Variants in FABP12 observed in about 807,000 individuals in gnomAD.
The protein encoded by FABP12 is fatty acid binding protein 12, also known as fatty acid-binding protein 12.
A neutral mutation model predicts 13.7 loss-of-function variants in FABP12; 19 were observed. The ratio of observed to expected loss-of-function variants is 1.39; its 90% CI spans 0.97 to 2.04. The LOEUF (loss-of-function observed/expected upper bound fraction) is 2.04, where lower values mean the gene tolerates loss of function less well. FABP12 is among the 30% of genes most tolerant of loss of function. FABP12 has a pLI of 0.00. For synonymous variants in FABP12, 61 were observed against 57.0 expected, an observed-to-expected ratio of 1.07 and a Z score of -0.32; for missense variants, 182 against 164.2, an observed-to-expected ratio of 1.11 and a Z score of -0.59.
intron 1 of FABP12, among the ~76,000 whole-genome samples, chr8:81,547,758 T>C (rs1254708703): frequency 6.6e-6 from 1 of 152,192 alleles, no homozygotes; most frequent in Non-Finnish European, 1.5e-5. Flanking sequence ...GTGTCAGAAA[T>C]AGGATGAGAA....
exon 3 of FABP12, chr8:81,529,514 A>G (rs768547170): frequency 6.2e-7 from 1 of 1,613,908 alleles, no homozygotes; most frequent in Non-Finnish European, 8.5e-7. Flanking sequence ...ATTTTTAAAG[A>G]TGCTTTTGGT....
At chr8:81,528,414 G>A (rs1808966655) in intron 3 of FABP12, among the ~76,000 whole-genome samples, 1 of 152,132 alleles carries the variant, frequency 6.6e-6, no homozygotes, top group African/African-American at 2.4e-5. Context: ...TAAGAATTTA[G>A]CATAGAAATC....
At chr8:81,551,526 G>A (rs751571516) in intron 1 of FABP12, among the ~76,000 whole-genome samples, 3 of 152,158 alleles carry the variant, frequency 2.0e-5, no homozygotes, top group Non-Finnish European at 4.4e-5. Flanking sequence ...ACTTAAGGCA[G>A]GGAATGTTTG....
At chr8:81,536,153 C>T (rs1047269713), upstream of FABP12, among the ~76,000 whole-genome samples, 3 of 152,118 alleles carry the variant, frequency 2.0e-5, no homozygotes, top group African/African-American at 7.2e-5. Flanking sequence ...ATGAGCTGAA[C>T]TCTAACAACC....
At chr8:81,531,549 T>A (rs1809076017) in intron 1 of FABP12, among the ~76,000 whole-genome samples, 159 bp from the exon 2 acceptor site, 1 of 152,058 alleles carries the variant, frequency 6.6e-6, no homozygotes, top group Non-Finnish European at 1.5e-5. Flanking sequence ...CACAGTAGAG[T>A]GTTTAGCAGA....
intron 1 of FABP12, among the ~76,000 whole-genome samples, chr8:81,556,461 C>T (rs1403188491): frequency 1.3e-5 from 2 of 152,092 alleles, no homozygotes; most frequent in African/African-American, 4.8e-5. Flanking sequence ...GAATCCAGAA[C>T]TCATTGAGTA....
chr8:81,544,236 A>G (rs1253276153), intron 1 of FABP12, among the ~76,000 whole-genome samples: 2 of 152,188 alleles, frequency 1.3e-5, no homozygotes, highest in African/African-American at 4.8e-5. Context: ...GGCAACAGAA[A>G]TGTGTTCTTT....
chr8:81,557,991 G>A lies in FABP12; in HGVS notation c.-184-18248C>T, dbSNP rs973488642. Among the ~76,000 whole-genome samples, 8 of 152,216 alleles carry A rather than the reference G, an allele frequency of 5.3e-5. No individual in the cohort carries two copies. In the East Asian group the frequency reaches 5.8e-4, roughly 11 times the overall value. ...AGGCCCTAGGTCAGCATGGGCACTC[G>A]GTGAGGGAGGTGCAGGAGGCCAGCT... is the stretch of plus-strand genomic sequence containing the variant. On this transcript the variant is annotated intron_variant, in intron 1 of 5. Transcript: ENST00000692030.
intron 1 of FABP12, among the ~76,000 whole-genome samples, chr8:81,564,204 GA>G (rs1167452875): frequency 6.6e-6 from 1 of 152,092 alleles, no homozygotes; most frequent in Non-Finnish European, 1.5e-5. Context: ...AACATGAAGA[GA>G]AATAAAGACT....
intron 1 of FABP12, among the ~76,000 whole-genome samples, chr8:81,564,917 C>T (rs900836184): frequency 3.3e-5 from 5 of 151,802 alleles, no homozygotes; most frequent in Middle Eastern, 3.4e-3. Context: ...AAACAGGACC[C>T]AATGATCTAT....
At chr8:81,577,077 A>C (rs527600554) in intron 1 of FABP12, among the ~76,000 whole-genome samples, 1 of 152,316 alleles carries the variant, frequency 6.6e-6, no homozygotes, top group Non-Finnish European at 1.5e-5. Flanking sequence ...ATGATCCTTT[A>C]GCTGTTTTCA....
chr8:81,540,531 AG>A, intron 1 of FABP12, among the ~76,000 whole-genome samples: 1 of 152,352 alleles, frequency 6.6e-6, no homozygotes, highest in South Asian at 2.1e-4. Flanking sequence ...GACAAAATTG[AG>A]GGATATTCTA....
chr8:81,558,604 G>A (rs945888463), intron 1 of FABP12, among the ~76,000 whole-genome samples: 3 of 152,136 alleles, frequency 2.0e-5, no homozygotes, highest in African/African-American at 7.2e-5. Flanking sequence ...ATAGAAGTTG[G>A]ATGAGGGCAG....
At chr8:81,542,845 T>A (rs1463187211) in intron 1 of FABP12, among the ~76,000 whole-genome samples, 1 of 152,218 alleles carries the variant, frequency 6.6e-6, no homozygotes, top group Non-Finnish European at 1.5e-5. Context: ...GAGATTAATA[T>A]CTTTCACAAC....
exon 3 of FABP12, chr8:81,529,476 C>G (rs555788593): frequency 6.2e-7 from 1 of 1,613,942 alleles, no homozygotes; most frequent in East Asian, 2.2e-5. Context: ...TCCTCAAACT[C>G]TTCTCCCAGC....
intron 1 of FABP12, among the ~76,000 whole-genome samples, chr8:81,588,324 T>C (rs1810273276): frequency 6.6e-6 from 1 of 152,226 alleles, no homozygotes; most frequent in African/African-American, 2.4e-5. Flanking sequence ...ACTTCCTCCC[T>C]TCCTATTTGG....
chr8:81,570,871 G>A (rs1809917384), intron 1 of FABP12, among the ~76,000 whole-genome samples: 1 of 152,124 alleles, frequency 6.6e-6, no homozygotes, highest in Non-Finnish European at 1.5e-5. Context: ...CCCCACTCTG[G>A]TCCGCAGGAC....
At chr8:81,541,910 TAA>T (rs1167487132) in intron 1 of FABP12, among the ~76,000 whole-genome samples, 8,599 of 70,308 alleles carry the variant, frequency 0.12, 295 homozygotes, top group African/African-American at 0.18. Flanking sequence ...TCCCAGGGTT[TAA>T]AAAAAAAAAA....
At chr8:81,569,859 C>T (rs928980959) in intron 1 of FABP12, among the ~76,000 whole-genome samples, 3 of 152,184 alleles carry the variant, frequency 2.0e-5, no homozygotes, top group Admixed American at 1.3e-4. Context: ...AACCTGTGGC[C>T]GGTGGTGCCT....
Sources: gnomAD v4.1 joint callset for allele counts (sites outside exome capture counted in the v4.1 genomes callset) on GRCh38, gnomAD v4.1.1 for gene constraint, MANE v1.5 for transcripts, NCBI Gene and HGNC (gene_info 2026-07-23, HGNC 2026-07-21) for gene names.